Variants in CCDC63 observed in about 807,000 individuals in gnomAD.
CCDC63 encodes coiled-coil domain-containing protein 63.
A neutral mutation model predicts 63.6 loss-of-function variants in CCDC63; 54 were observed. That is an observed-to-expected ratio of 0.85 (90% confidence interval 0.68 to 1.07). The LOEUF (loss-of-function observed/expected upper bound fraction) is 1.07. Ranked by LOEUF, CCDC63 falls within the 50% of genes least tolerant of loss-of-function variation. The pLI, the probability that CCDC63 is intolerant of heterozygous loss-of-function variation, is 0.00. For missense variants in CCDC63, 637 were observed against 689.6 expected, an observed-to-expected ratio of 0.92 and a Z score of 0.86; for synonymous variants, 253 against 266.1, an observed-to-expected ratio of 0.95 and a Z score of 0.48.
At chr12:110,866,525 CG>C (rs2070951033) in intron 4 of CCDC63, among the ~76,000 whole-genome samples, 1 of 137,608 alleles carries the variant, frequency 7.3e-6, no homozygotes, top group Non-Finnish European at 1.6e-5. Context: ...TGACTCTTAA[CG>C]AGCATGCTGC....
At chr12:110,898,900 C>T (rs375007654) in intron 9 of CCDC63, 33 bp from the exon 10 acceptor site, 35 of 1,532,338 alleles carry the variant, frequency 2.3e-5, no homozygotes, top group Non-Finnish European at 1.7e-5. Context: ...TGAAAGTCCT[C>T]CTGAGCAGGT....
intron 4 of CCDC63, among the ~76,000 whole-genome samples, chr12:110,865,980 CT>C (rs5800900): frequency 0.33 from 49,392 of 151,916 alleles, 8,544 homozygotes; most frequent in African/African-American, 0.46. Flanking sequence ...CAACTTTTTT[CT>C]TTTTTTGTAT....
At chr12:110,891,762 C>T (rs1451698539) in intron 8 of CCDC63, among the ~76,000 whole-genome samples, 1 of 151,988 alleles carries the variant, frequency 6.6e-6, no homozygotes, top group East Asian at 1.9e-4. Context: ...TAACCCAAGA[C>T]CCTCTCCCCT....
chr12:110,860,488 G>A (rs183541514), intron 4 of CCDC63, among the ~76,000 whole-genome samples: 2 of 152,268 alleles, frequency 1.3e-5, no homozygotes, highest in African/African-American at 2.4e-5. Context: ...CCAGTGTCCC[G>A]CACACAGTAG....
chr12:110,900,560 A>G (rs886205238), intron 10 of CCDC63, among the ~76,000 whole-genome samples: 1 of 151,958 alleles, frequency 6.6e-6, no homozygotes, highest in Non-Finnish European at 1.5e-5. Flanking sequence ...ACAATTTGGA[A>G]TGAATGGCTT....
chr12:110,890,557 C>A (rs146769225), intron 8 of CCDC63, among the ~76,000 whole-genome samples: 1 of 151,924 alleles, frequency 6.6e-6, no homozygotes, highest in Non-Finnish European at 1.5e-5. Flanking sequence ...GATATCATGA[C>A]CTGGAGATAA....
intron 2 of CCDC63, 63 bp downstream of exon 2, chr12:110,853,026 C>T: frequency 1.3e-6 from 2 of 1,536,034 alleles, no homozygotes; most frequent in South Asian, 1.1e-5. Flanking sequence ...GTGCCATCCA[C>T]TTTACACGTT....
intron 4 of CCDC63, among the ~76,000 whole-genome samples, chr12:110,867,586 C>G (rs1363162424): frequency 5.8e-5 from 8 of 138,052 alleles, no homozygotes; most frequent in African/African-American, 2.2e-4. Context: ...CTGACCCCCC[C>G]ACCTCCCTCC....
rs1327929142 is a variant in CCDC63 at position 110,881,215 on chromosome 12, C to T, written c.772C>T (p.His258Tyr). The change falls in exon 7 of 12, where the codon CAT becomes TAT. Residue 258 changes from histidine (H) to tyrosine (Y), a missense_variant. His to Tyr is a moderately conservative substitution (Grantham distance 83). Coordinates refer to ENST00000308208, the MANE Select transcript of CCDC63 (RefSeq NM_152591.3). Reference sequence around the variant, plus strand: ...CCGAGAGCTGGAGCGTCTCTATGCCCATGAGAGCAAGCTCAAGTCCTTCCT... The same window carrying T: ...CCGAGAGCTGGAGCGTCTCTATGCCTATGAGAGCAAGCTCAAGTCCTTCCT... The part of the protein sequence containing the change: ...EIRELERLYA[H>Y]ESKLKSFLLV... 1 of 1,613,752 alleles carries T rather than the reference C, an allele frequency of 6.2e-7. No individual in the cohort carries two copies. Among genetic ancestry groups the T allele is most frequent in the Non-Finnish European group, 8.5e-7 (1 of 1,179,970 alleles).
At chr12:110,894,445 G>A (rs1450615995) in intron 9 of CCDC63, among the ~76,000 whole-genome samples, 1 of 152,050 alleles carries the variant, frequency 6.6e-6, no homozygotes, top group Non-Finnish European at 1.5e-5. Flanking sequence ...ACTGCCCTCC[G>A]GAGTCATTTC....
chr12:110,887,214 A>G (rs972606358), intron 8 of CCDC63, among the ~76,000 whole-genome samples: 9 of 151,304 alleles, frequency 5.9e-5, no homozygotes, highest in African/African-American at 2.2e-4. Flanking sequence ...TGCAACCTCC[A>G]CCTCCCGGGT....
At chr12:110,881,387 C>A in intron 7 of CCDC63, 91 bp downstream of exon 7, 2 of 1,314,290 alleles carry the variant, frequency 1.5e-6, no homozygotes, top group Non-Finnish European at 2.1e-6. Context: ...GTGCCCAAGT[C>A]TCCTTGTGGT....
chr12:110,858,290 C>T (rs976462179), intron 3 of CCDC63, among the ~76,000 whole-genome samples: 7 of 151,986 alleles, frequency 4.6e-5, no homozygotes, highest in Non-Finnish European at 7.4e-5. Flanking sequence ...CAAAGGAGAA[C>T]GTGGGGGTTT....
rs34855503 is a variant in CCDC63, at chr12:110,856,844, C to CTT, written c.180-1723_180-1722dup. Among the ~76,000 whole-genome samples, 701 of 115,516 alleles carry CTT rather than the reference C, an allele frequency of 6.1e-3. 7 individuals carry two copies. Among genetic ancestry groups the CTT allele is most frequent in the African/African-American group, 0.019 (626 of 33,390 alleles). 75.8% of individuals were successfully genotyped at this position (115,516 alleles called of 152,430 possible). A position where few individuals can be genotyped will look rare whatever the true frequency, so the allele number is the denominator to read the frequency against. ...GTCCTAGGACATTTTCCTTTCCTTT[C>CTT]TTTTTTTTTTTTTTTTTTTTGAGAC... On this transcript the variant is annotated intron_variant, in intron 3 of 11. Coordinates refer to ENST00000308208, the MANE Select transcript of CCDC63 (RefSeq NM_152591.3).
chr12:110,860,667 G>A (rs2070841711), intron 4 of CCDC63, among the ~76,000 whole-genome samples: 1 of 152,044 alleles, frequency 6.6e-6, no homozygotes, highest in Non-Finnish European at 1.5e-5. Context: ...TTGGTTCACT[G>A]CAGCCTCTGC....
intron 3 of CCDC63, among the ~76,000 whole-genome samples, chr12:110,855,038 G>A (rs1011392335): frequency 2.6e-5 from 4 of 151,842 alleles, no homozygotes; most frequent in Non-Finnish European, 4.4e-5. Context: ...CAATCCGCCC[G>A]CCTAGGCCTC....
intron 10 of CCDC63, among the ~76,000 whole-genome samples, chr12:110,903,334 A>G (rs954694161): frequency 2.0e-5 from 3 of 152,304 alleles, no homozygotes; most frequent in Middle Eastern, 3.4e-3. Context: ...CCTGATTTTC[A>G]GATAGAATAG....
chr12:110,853,381 C>T lies in CCDC63; in HGVS notation c.10-24C>T, dbSNP rs1435163512. The T allele has an allele frequency of 1.9e-6, 3 of 1,601,286 alleles. No homozygotes were observed. In the Admixed American group the frequency reaches 5.3e-5, roughly 28 times the overall value. ...CTAGCCACCTGGCCCACTACGGCCT[C>T]CCACTCCTCTCCATCTCCCCCAGTT... is the stretch of plus-strand genomic sequence containing the variant. On this transcript the variant is annotated intron_variant, in intron 2 of 11. Transcript: ENST00000308208.
intron 7 of CCDC63, 47 bp downstream of exon 7, chr12:110,881,343 C>T: frequency 6.4e-7 from 1 of 1,553,530 alleles, no homozygotes; most frequent in Non-Finnish European, 8.7e-7. Flanking sequence ...CTCTTTCTTG[C>T]CTTCTTTCTC....
Sources: gnomAD v4.1 joint callset for allele counts (sites outside exome capture counted in the v4.1 genomes callset) on GRCh38, gnomAD v4.1.1 for gene constraint, MANE v1.5 for transcripts, NCBI Gene and HGNC (gene_info 2026-07-23, HGNC 2026-07-21) for gene names.